The following SMYD4 variants were observed in gnomAD, a reference collection of about 807,000 sequenced individuals.
SMYD4 encodes the protein SET and MYND domain containing 4.
Under a neutral mutation model 72.8 loss-of-function variants are expected in SMYD4, and 68 were observed. That is an observed-to-expected ratio of 0.93 (90% CI 0.77 to 1.14). The LOEUF (loss-of-function observed/expected upper bound fraction) is 1.14. Ranked by LOEUF, SMYD4 falls within the 50% of genes most tolerant of loss-of-function variation. The pLI is 0.00. For synonymous variants in SMYD4, 407 were observed against 388.6 expected (o/e 1.05, Z -0.56); for missense variants, 984 against 1,003.7 (o/e 0.98, Z 0.27).
intron 5 of SMYD4, among the ~76,000 whole-genome samples, chr17:1,798,632 T>C (rs1322833660): frequency 6.6e-6 from 1 of 152,084 alleles, no homozygotes; most frequent in Non-Finnish European, 1.5e-5. Context: ...GTGCAGTGGC[T>C]CATGCCTGTA....
At chr17:1,813,632 T>C (rs60846048) in intron 2 of SMYD4, among the ~76,000 whole-genome samples, 7,359 of 152,092 alleles carry the variant, frequency 0.048, 626 homozygotes, top group African/African-American at 0.17. Context: ...CCGAGGCCGG[T>C]CTTGAACTTC....
At chr17:1,783,498 G>C (rs568433621) in intron 8 of SMYD4, 22 bp from the exon 9 acceptor site, 3 of 1,584,982 alleles carry the variant, frequency 1.9e-6, no homozygotes, top group Admixed American at 3.7e-5. Context: ...GAGGAAAGAC[G>C]TCTCACTATA....
Position 1,781,430 on chromosome 17 carries a change from T to C in SMYD4, c.2271A>G (p.Val757=). 6.2e-7 allele frequency: 1 copy of C among 1,613,760 alleles called. No individual in the cohort carries two copies. Among genetic ancestry groups the C allele is most frequent in the Non-Finnish European group, 8.5e-7 (1 of 1,179,918 alleles). The part of the protein sequence containing the change: ...LAQIFFNGFA[V]PEALSTIQKA... ...TCTGTATTGTGCTCAGGGCTTCGGGTACTGCAAACCTGAGCCAAGGGAGGT... is the reference window on the plus strand; with the variant it reads ...TCTGTATTGTGCTCAGGGCTTCGGGCACTGCAAACCTGAGCCAAGGGAGGT... The change falls in exon 11 of 11, where the codon GTA becomes GTG. Residue 757 remains valine (V), a synonymous_variant. Transcript: ENST00000305513.
At position 1,794,106 on chromosome 17, in the gene SMYD4, T is replaced by TATA. The variant is rs1491522927; in HGVS notation, c.1537+5750_1537+5751insTAT. 5.6e-4 allele frequency among the ~76,000 whole-genome samples: 6 copies of TATA among 10,626 alleles called. 1 individual carries two copies. Among genetic ancestry groups the TATA allele is most frequent in the East Asian group, 2.4e-3 (1 of 418 alleles). 7.0% of individuals were successfully genotyped at this position (10,626 alleles called of 152,430 possible). On this transcript the variant is annotated intron_variant, in intron 5 of 10. Transcript: ENST00000305513. ...GTATATATATATATATATATATATA[T>TATA]TTTTTTTTTTTTTTTTTTTTTGAGA...
intron 3 of SMYD4, among the ~76,000 whole-genome samples, chr17:1,805,311 G>A (rs947350663): frequency 6.6e-6 from 1 of 152,008 alleles, no homozygotes; most frequent in East Asian, 1.9e-4. Context: ...CCAGCTACTT[G>A]GGAGGCTGAG....
chr17:1,807,758 C>A (rs939789853), intron 3 of SMYD4, among the ~76,000 whole-genome samples: 13 of 152,118 alleles, frequency 8.5e-5, no homozygotes, highest in Non-Finnish European at 1.6e-4. Flanking sequence ...CAGAATGTTA[C>A]TGATGTAAAA....
rs770604799 is a variant in SMYD4, at chr17:1,800,778, CTG to C, written c.614_615del (p.Thr205ArgfsTer12). The part of the protein sequence containing the change: ...KMKMQEKDSL[T>X]ESFPAALAKT... The stretch of plus-strand genomic sequence containing the variant: ...TTGGCCAGAGCTGCTGGGAAGCTTT[CTG>C]TGAGACTGTCCTTTTCTTGCATCTT... On this transcript the variant is annotated frameshift_variant, in exon 5 of 11. Coordinates refer to ENST00000305513, the MANE Select transcript of SMYD4 (RefSeq NM_052928.3). LOFTEE classifies it high-confidence loss of function. 540 of 1,614,230 alleles carry C rather than the reference CTG, an allele frequency of 3.3e-4. No individual in the cohort carries two copies. The highest frequency in any genetic ancestry group is 4.4e-4 in the Non-Finnish European group (520 of 1,180,038).
At chr17:1,783,884 A>T (rs9902811) in intron 8 of SMYD4, 205,093 of 276,940 alleles carry the variant, frequency 0.74, 77,229 homozygotes, top group African/African-American at 0.9. Context: ...CGCAAGTCTC[A>T]GACAAAAGCA....
In SMYD4 at chr17:1,799,896, G is replaced by A. The variant is rs1008788850; in HGVS notation, c.1498C>T (p.Gln500Ter). The A allele has an allele frequency of 6.2e-7, 1 of 1,612,534 alleles. No individual in the cohort carries two copies. Among genetic ancestry groups the A allele is most frequent in the African/African-American group, 1.3e-5 (1 of 74,984 alleles). ...VAMLRHMLQL[Q>*]CNAQAMTTIQ... is the part of the protein sequence containing the mutation. ...GTGGTCATCGCCTGAGCGTTACACT[G>A]AAGCTGTAACATGTGTCTCAGCATC... The change falls in exon 5 of 11, where the codon CAG becomes TAG. Residue 500 changes from glutamine (Q) to a stop codon, truncating the protein, a stop_gained. Transcript: ENST00000305513. LOFTEE classifies it high-confidence loss of function.
Position 1,792,796 on chromosome 17 carries a change from G to GT in SMYD4, c.1538-5193dup, listed in dbSNP as rs1909129637. On this transcript the variant is annotated intron_variant, in intron 5 of 10. Transcript: ENST00000305513. ...TTGCTCACGTGTGCTTTCAACAGCT[G>GT]TACTGAGATAGAATCCATCTACCGT... Among the ~76,000 whole-genome samples, 5 of 152,254 alleles carry GT rather than the reference G, an allele frequency of 3.3e-5. No individual in the cohort carries two copies. The South Asian group carries it at 1.0e-3, about 32-fold the overall frequency.
rs1266458498 is a variant in SMYD4 at position 1,812,132 on chromosome 17, G to A, written c.135-17C>T. 1.2e-6 allele frequency: 2 copies of A among 1,608,374 alleles called. No homozygotes were observed. Among genetic ancestry groups the A allele is most frequent in the Non-Finnish European group, 1.7e-6 (2 of 1,178,482 alleles). ...TCCTCAGGTCTGCATGAAGAAAGGA[G>A]GAAACAAAGTAAGCAGAAATGTGTT... is the stretch of plus-strand genomic sequence containing the variant. On this transcript the variant is annotated splice_polypyrimidine_tract_variant and intron_variant, in intron 2 of 10. Transcript: ENST00000305513.
At chr17:1,784,623 C>T (rs1908554513) in intron 7 of SMYD4, 162 bp from the exon 8 acceptor site, 9 of 941,844 alleles carry the variant, frequency 9.6e-6, no homozygotes, top group Non-Finnish European at 1.0e-5. Flanking sequence ...TGTTTGATGG[C>T]GGCAATGGCG....
intron 3 of SMYD4, among the ~76,000 whole-genome samples, chr17:1,806,540 C>T (rs1244056065): frequency 6.6e-6 from 1 of 151,956 alleles, no homozygotes; most frequent in Admixed American, 6.6e-5. Flanking sequence ...AAAATGGCTA[C>T]TAAATATGTG....
intron 3 of SMYD4, among the ~76,000 whole-genome samples, chr17:1,811,242 C>T (rs375649948): frequency 3.3e-5 from 5 of 152,166 alleles, no homozygotes; most frequent in Admixed American, 2.0e-4. Context: ...TAGCAGGGCA[C>T]GGAGGAAGCG....
intron 2 of SMYD4, among the ~76,000 whole-genome samples, chr17:1,817,583 C>A (rs941549383): frequency 6.6e-6 from 1 of 152,142 alleles, no homozygotes; most frequent in Non-Finnish European, 1.5e-5. Flanking sequence ...ATCCTTCCGC[C>A]TTGGCCTCTC....
At chr17:1,802,911 T>C (rs1476351022) in intron 4 of SMYD4, among the ~76,000 whole-genome samples, 1 of 152,190 alleles carries the variant, frequency 6.6e-6, no homozygotes, top group East Asian at 1.9e-4. Context: ...CCCAGCACTT[T>C]GGGAGGCTGA....
intron 3 of SMYD4, among the ~76,000 whole-genome samples, chr17:1,809,262 T>C (rs113369094): frequency 6.6e-6 from 1 of 152,170 alleles, no homozygotes; most frequent in African/African-American, 2.4e-5. Flanking sequence ...TTTAAGCCCA[T>C]ATAAGTATCT....
intron 2 of SMYD4, among the ~76,000 whole-genome samples, chr17:1,820,363 C>A (rs1291505071): frequency 2.0e-5 from 3 of 151,988 alleles, no homozygotes; most frequent in Non-Finnish European, 4.4e-5. Flanking sequence ...CCTCAGCCTC[C>A]CAAATAGCTA....
intron 6 of SMYD4, 60 bp downstream of exon 6, chr17:1,787,360 CTT>C: frequency 6.5e-7 from 1 of 1,544,686 alleles, no homozygotes; most frequent in Non-Finnish European, 8.8e-7. Flanking sequence ...GGCTTGCTGA[CTT>C]GCGTCCCCGT....
Sources: allele counts gnomAD v4.1 joint callset (sites outside exome capture counted in the v4.1 genomes callset), GRCh38; gene constraint gnomAD v4.1.1; transcripts MANE v1.5; gene names NCBI Gene and HGNC (gene_info 2026-07-23, HGNC 2026-07-21).